Variants in ADHFE1 observed in about 807,000 individuals in gnomAD.
ADHFE1 encodes the protein hydroxyacid-oxoacid transhydrogenase, mitochondrial.
ADHFE1 carries 37 observed loss-of-function variants against 54.8 expected under a neutral mutation model. That is an observed-to-expected ratio of 0.68 (90% CI 0.52 to 0.89). The LOEUF (loss-of-function observed/expected upper bound fraction) is 0.89, where lower values mean the gene tolerates loss of function less well. Among genes scored for constraint, ADHFE1 ranks in the 40% least tolerant of loss-of-function variants. The pLI, the probability that ADHFE1 is intolerant of heterozygous loss-of-function variation, is 0.00. For missense variants in ADHFE1, 601 were observed against 591.2 expected (o/e 1.02, Z -0.17); for synonymous variants, 203 against 229.3 (o/e 0.89, Z 1.04).
In ADHFE1 at chr8:66,447,285, G is replaced by A; in HGVS notation, c.572G>A (p.Gly191Glu). 2 of 1,613,190 alleles carry A rather than the reference G, an allele frequency of 1.2e-6. No individual in the cohort carries two copies. The highest frequency in any genetic ancestry group is 1.1e-5 in the South Asian group (1 of 90,884). The change falls in exon 7 of 14, where the codon GGG (glycine) becomes GAG (glutamate). Residue 191 changes from glycine (G) to glutamate (E), a missense_variant. Transcript: ENST00000396623. ...CAAGTGCCAACTACCTCAGGAACCGGGAGTGAAACTACTGGGGTTGCCATT... is the reference window on the plus strand; with the variant it reads ...CAAGTGCCAACTACCTCAGGAACCGAGAGTGAAACTACTGGGGTTGCCATT... ...LIAVPTTSGT[G>E]SETTGVAIFD... is the part of the protein sequence containing the mutation.
chr8:66,453,179 A>G (rs1806391725), intron 9 of ADHFE1, among the ~76,000 whole-genome samples: 1 of 152,186 alleles, frequency 6.6e-6, no homozygotes. Context: ...ATAAGGAGAG[A>G]TGGACAGAGG....
At position 66,456,903 on chromosome 8, in the gene ADHFE1, C is replaced by T; in HGVS notation, c.1065+8C>T. The T allele has an allele frequency of 8.0e-6, 12 of 1,506,852 alleles. No individual in the cohort carries two copies. The highest frequency in any genetic ancestry group is 9.8e-6 in the Non-Finnish European group (11 of 1,127,712). The allele number at this position is 1,506,852 out of a possible 1,614,324, so 93.3% of individuals were successfully genotyped here. On this transcript the variant is annotated splice_region_variant and intron_variant, in intron 11 of 13. Transcript: ENST00000396623. ...GTGGATCACCCACTGGTGGTAAAAT[C>T]ATAAGAATAAATTATTTAATTAAAT...
chr8:66,437,877 GA>G (rs1273677293), intron 1 of ADHFE1, among the ~76,000 whole-genome samples: 5 of 152,182 alleles, frequency 3.3e-5, no homozygotes, highest in Non-Finnish European at 7.3e-5. Flanking sequence ...CTGCCCAGGG[GA>G]ACTGACAGGA....
rs1035565461 is a variant in ADHFE1, at chr8:66,460,476, G to A, written c.1320+11G>A. 11 of 1,565,052 alleles carry A rather than the reference G, an allele frequency of 7.0e-6. No individual in the cohort carries two copies. Among genetic ancestry groups the A allele is most frequent in the East Asian group, 2.3e-5 (1 of 43,700 alleles). ...GGAACGCTGCCCCAGGTAAGAGACC[G>A]GCAGGCTCCTCACTCCCTGCGAAGG... is the stretch of plus-strand genomic sequence containing the variant. On this transcript the variant is annotated intron_variant, in intron 13 of 13. Coordinates refer to ENST00000396623, the MANE Select transcript of ADHFE1 (RefSeq NM_144650.3).
chr8:66,451,998 C>G lies in ADHFE1; in HGVS notation c.780C>G (p.Ser260Arg). 6.2e-7 allele frequency: 1 copy of G among 1,614,180 alleles called. No individual in the cohort carries two copies. The highest frequency in any genetic ancestry group is 8.5e-7 in the Non-Finnish European group (1 of 1,180,016). The change falls in exon 9 of 14, where the codon AGC becomes AGG. Residue 260 changes from serine to arginine, a missense_variant. Transcript: ENST00000396623. ...SYTTLPYHLR[S>R]PCPSNPITRP... ...CCACCCTGCCCTACCACCTGCGGAG[C>G]CCCTGCCCTTCAAATCCCATCACAC...
chr8:66,434,710 G>A (rs1158060708), intron 1 of ADHFE1, among the ~76,000 whole-genome samples: 2 of 152,226 alleles, frequency 1.3e-5, no homozygotes, highest in Non-Finnish European at 2.9e-5. Flanking sequence ...CAACTGCGCT[G>A]ACAACTGAAT....
chr8:66,457,869 A>G (rs1342643483), intron 12 of ADHFE1, among the ~76,000 whole-genome samples: 9 of 152,206 alleles, frequency 5.9e-5, no homozygotes, highest in Non-Finnish European at 1.3e-4. Flanking sequence ...GTTCGATAAT[A>G]AAATGAATCT....
At position 66,468,338 on chromosome 8, in the gene ADHFE1, A is replaced by G. The variant is rs749808686; in HGVS notation, c.1390A>G (p.Met464Val). 145 of 1,612,920 alleles carry G rather than the reference A, an allele frequency of 9.0e-5. No individual in the cohort carries two copies. Among genetic ancestry groups the G allele is most frequent in the African/African-American group, 1.6e-4 (12 of 74,884 alleles). Residue 464 changes from methionine (M) to valine (V), a missense_variant, in exon 14 of 14, where the codon ATG becomes GTG. By Grantham distance (21) the Met-to-Val change is conservative (BLOSUM62 1). Transcript: ENST00000396623. ...EDLAALFEAS[M>V]KLY ...TCTGGCTGCTCTGTTTGAAGCTTCA[A>G]TGAAACTGTATTAATTGTCATTTTA... is the stretch of plus-strand genomic sequence containing the variant.
intron 8 of ADHFE1, 21 bp from the exon 9 acceptor site, chr8:66,451,932 A>G: frequency 1.2e-6 from 2 of 1,612,250 alleles, no homozygotes; most frequent in Non-Finnish European, 1.7e-6. Flanking sequence ...CCATCTGTGT[A>G]CTTTCAATAT....
Position 66,457,070 on chromosome 8 carries a change from C to T in ADHFE1, c.1066C>T (p.Pro356Ser). ...GTCACCGCATTTCGTTTCTCCCCAGCCCCATGGCCTTTCTGTGGTGCTCAC... is the reference window on the plus strand; with the variant it reads ...GTCACCGCATTTCGTTTCTCCCCAGTCCCATGGCCTTTCTGTGGTGCTCAC... ...KDYNVDHPLV[P>S]HGLSVVLTSP... The change falls in exon 12 of 14, where the codon CCC (proline) becomes TCC (serine). Residue 356 changes from proline to serine, a missense_variant and splice_region_variant. By Grantham distance (74) the Pro-to-Ser change is moderately conservative. Coordinates refer to ENST00000396623, the MANE Select transcript of ADHFE1 (RefSeq NM_144650.3). 6.2e-7 allele frequency: 1 copy of T among 1,612,782 alleles called. No homozygotes were observed. Among genetic ancestry groups the T allele is most frequent in the African/African-American group, 1.3e-5 (1 of 75,004 alleles).
At position 66,457,154 on chromosome 8, in the gene ADHFE1, G is replaced by A; in HGVS notation, c.1150G>A (p.Ala384Thr). The change falls in exon 12 of 14, where the codon GCA (alanine) becomes ACA (threonine). Residue 384 changes from alanine (A) to threonine (T), a missense_variant. By Grantham distance (58) the Ala-to-Thr change is moderately conservative. Transcript: ENST00000396623. Reference sequence around the variant, plus strand: ...GTTTCCAGAGCGACACCTGGAGATGGCAGAAATACTGGGTATGAACCATTA... The same window carrying A: ...GTTTCCAGAGCGACACCTGGAGATGACAGAAATACTGGGTATGAACCATTA... The part of the protein sequence containing the change: ...QMFPERHLEM[A>T]EILGADTRTA... 1.9e-6 allele frequency: 3 copies of A among 1,613,194 alleles called. No individual in the cohort carries two copies. Among genetic ancestry groups the A allele is most frequent in the Non-Finnish European group, 2.5e-6 (3 of 1,179,450 alleles).
intron 13 of ADHFE1, among the ~76,000 whole-genome samples, chr8:66,467,479 G>C (rs1353489701): frequency 1.3e-5 from 2 of 152,122 alleles, no homozygotes; most frequent in Admixed American, 6.5e-5. Flanking sequence ...GCAGGGCAGA[G>C]AGCAGTGCAC....
intron 2 of ADHFE1, among the ~76,000 whole-genome samples, chr8:66,440,637 T>C (rs991376975): frequency 1.3e-5 from 2 of 152,224 alleles, no homozygotes; most frequent in African/African-American, 4.8e-5. Context: ...TAAAATAATA[T>C]TGTATTTAAA....
chr8:66,445,120 A>G, intron 5 of ADHFE1, 98 bp from the exon 6 acceptor site: 1 of 1,250,302 alleles, frequency 8.0e-7, no homozygotes, highest in South Asian at 1.6e-5. Flanking sequence ...ACAAAAACAA[A>G]AAAAACCCCA....
chr8:66,460,201 G>A (rs1806824361), intron 12 of ADHFE1, 107 bp from the exon 13 acceptor site: 3 of 1,420,682 alleles, frequency 2.1e-6, no homozygotes, highest in African/African-American at 2.8e-5. Context: ...CTGGGCGTTA[G>A]GGAGACCCCG....
At chr8:66,434,407 C>T (rs887200385) in intron 1 of ADHFE1, among the ~76,000 whole-genome samples, 3 of 145,508 alleles carry the variant, frequency 2.1e-5, no homozygotes, top group African/African-American at 5.1e-5. Context: ...ACAGTTGAAG[C>T]CCTAACAAAA....
In ADHFE1 at chr8:66,436,486, C is replaced by T. The variant is rs78470819; in HGVS notation, c.60-3676C>T. Among the ~76,000 whole-genome samples the T allele has an allele frequency of 8.8e-3, 1,335 of 152,138 alleles. 20 individuals are homozygous for T. The highest frequency in any genetic ancestry group is 0.03 in the African/African-American group (1,261 of 41,494). On this transcript the variant is annotated intron_variant, in intron 1 of 13. Transcript: ENST00000396623. ...GGCCAAGGGTGACCCCAAGATTCTC[C>T]GGCACGAACAACTGGAAGGATGAAA... is the stretch of plus-strand genomic sequence containing the variant.
intron 1 of ADHFE1, among the ~76,000 whole-genome samples, chr8:66,436,105 G>T (rs1394106289): frequency 1.3e-5 from 2 of 151,754 alleles, no homozygotes; most frequent in African/African-American, 4.8e-5. Context: ...TAGTAGAGAT[G>T]GGGTTTTGCC....
At chr8:66,456,608 G>A (rs1354735808) in intron 10 of ADHFE1, among the ~76,000 whole-genome samples, 1 of 152,198 alleles carries the variant, frequency 6.6e-6, no homozygotes, top group Admixed American at 6.5e-5. Context: ...ATTTGAATTT[G>A]AGCATTTTCA....
Sources: gnomAD v4.1 joint callset for allele counts (sites outside exome capture counted in the v4.1 genomes callset) on GRCh38, gnomAD v4.1.1 for gene constraint, MANE v1.5 for transcripts, NCBI Gene and HGNC (gene_info 2026-07-23, HGNC 2026-07-21) for gene names.